The following UBR3 variants were observed in gnomAD, a reference collection of about 807,000 sequenced individuals.
The protein encoded by UBR3 is ubiquitin protein ligase E3 component n-recognin 3, also known as E3 ubiquitin-protein ligase UBR3.
UBR3 carries 85 observed loss-of-function variants against 243.2 expected under a neutral mutation model. The ratio of observed to expected loss-of-function variants is 0.35; its 90% CI spans 0.29 to 0.42. The LOEUF is 0.42. Ranked by LOEUF, UBR3 falls within the 10% of genes least tolerant of loss-of-function variation. UBR3 has a pLI of 1.00. For synonymous variants in UBR3, 748 were observed against 799.8 expected, an observed-to-expected ratio of 0.94 and a Z score of 1.09; for missense variants, 1,686 against 2,300.8, an observed-to-expected ratio of 0.73 and a Z score of 5.47.
At chr2:169,979,706 A>G (rs1246533335) in intron 24 of UBR3, among the ~76,000 whole-genome samples, 3 of 152,222 alleles carry the variant, frequency 2.0e-5, no homozygotes, top group Non-Finnish European at 4.4e-5. Flanking sequence ...ATGCAAAACT[A>G]GAGACAGTAA....
chr2:170,035,545 A>G (rs189347609), intron 31 of UBR3, among the ~76,000 whole-genome samples: 70 of 152,046 alleles, frequency 4.6e-4, no homozygotes, highest in Non-Finnish European at 4.1e-4. Flanking sequence ...TGCTAGTACC[A>G]TATTGTCTTG....
intron 1 of UBR3, among the ~76,000 whole-genome samples, chr2:169,864,722 T>G (rs2083195530): frequency 2.0e-5 from 3 of 151,706 alleles, no homozygotes; most frequent in African/African-American, 4.8e-5. Flanking sequence ...GCTAACACAG[T>G]GAAACCCCGT....
intron 1 of UBR3, among the ~76,000 whole-genome samples, chr2:169,835,654 T>A (rs1197923129): frequency 6.6e-6 from 1 of 152,132 alleles, no homozygotes; most frequent in Non-Finnish European, 1.5e-5. Flanking sequence ...TTGGTCAGGC[T>A]GGTCTGGAAC....
Position 169,875,923 on chromosome 2 carries a change from A to G in UBR3, c.818A>G (p.Gln273Arg). The G allele has an allele frequency of 6.5e-7, 1 of 1,537,796 alleles. No homozygotes were observed. Among genetic ancestry groups the G allele is most frequent in the Non-Finnish European group, 8.8e-7 (1 of 1,142,110 alleles). Reference sequence around the variant, plus strand: ...GTTCTTACTCAGGTTTTGACAAACCAACAAAACTACAAAGATCTGACTTCT... The same window carrying G: ...GTTCTTACTCAGGTTTTGACAAACCGACAAAACTACAAAGATCTGACTTCT... ...RSVLTQVLTN[Q>R]QNYKDLTSGL... The change falls in exon 3 of 39, where the codon CAA (glutamine) becomes CGA (arginine). Residue 273 changes from glutamine (Q) to arginine (R), a missense_variant. Gln to Arg is a conservative substitution (Grantham distance 43). Coordinates refer to ENST00000272793, the MANE Select transcript of UBR3 (RefSeq NM_172070.4).
intron 1 of UBR3, among the ~76,000 whole-genome samples, chr2:169,847,514 A>G (rs2082522778): frequency 6.6e-6 from 1 of 152,142 alleles, no homozygotes; most frequent in South Asian, 2.1e-4. Flanking sequence ...GTTGTCAAAC[A>G]TTTTACTTTT....
chr2:169,903,490 C>G (rs1175816833), intron 8 of UBR3, among the ~76,000 whole-genome samples: 1 of 152,178 alleles, frequency 6.6e-6, no homozygotes, highest in Non-Finnish European at 1.5e-5. Context: ...TCCTTACTTC[C>G]TCATTGAGTT....
At chr2:170,055,673 A>G in intron 33 of UBR3, 89 bp downstream of exon 33, 1 of 1,484,966 alleles carries the variant, frequency 6.7e-7, no homozygotes, top group Non-Finnish European at 9.1e-7. Context: ...GTGTTACAAA[A>G]TGAGTTATTG....
chr2:169,938,973 T>G (rs1300750768), intron 19 of UBR3, among the ~76,000 whole-genome samples: 2 of 152,172 alleles, frequency 1.3e-5, no homozygotes, highest in African/African-American at 4.8e-5. Flanking sequence ...ACATTCACTT[T>G]CTTTAAAGGT....
intron 10 of UBR3, among the ~76,000 whole-genome samples, chr2:169,910,245 G>A (rs2085199368): frequency 6.6e-6 from 1 of 152,068 alleles, no homozygotes; most frequent in Non-Finnish European, 1.5e-5. Context: ...AAAGAGATGT[G>A]AACCCCGAAG....
intron 1 of UBR3, among the ~76,000 whole-genome samples, chr2:169,856,569 G>A (rs947910599): frequency 2.0e-5 from 3 of 152,220 alleles, no homozygotes; most frequent in Non-Finnish European, 4.4e-5. Context: ...GCGAGACTCC[G>A]TCTGCAATCC....
intron 1 of UBR3, among the ~76,000 whole-genome samples, chr2:169,869,471 A>G (rs1306627175): frequency 1.3e-5 from 2 of 151,920 alleles, no homozygotes; most frequent in African/African-American, 2.4e-5. Flanking sequence ...CAATCCGCCC[A>G]TGTCAGCCTC....
chr2:170,007,284 T>G (rs1023616226), intron 28 of UBR3, 94 bp downstream of exon 28: 5 of 1,332,996 alleles, frequency 3.8e-6, no homozygotes, highest in Non-Finnish European at 5.1e-6. Context: ...TCTGGACTTT[T>G]ACATATTTAG....
At chr2:169,839,656 C>T (rs2082227654) in intron 1 of UBR3, among the ~76,000 whole-genome samples, 2 of 151,994 alleles carry the variant, frequency 1.3e-5, no homozygotes, top group Admixed American at 6.6e-5. Flanking sequence ...ATCTATTATG[C>T]ATCAAATAAA....
chr2:170,056,136 T>G (rs2091330744), intron 33 of UBR3, among the ~76,000 whole-genome samples: 2 of 150,980 alleles, frequency 1.3e-5, no homozygotes, highest in Admixed American at 6.7e-5. Flanking sequence ...GCCTTCTGAG[T>G]AGCTGGGACT....
intron 11 of UBR3, among the ~76,000 whole-genome samples, chr2:169,923,090 C>T (rs986976377): frequency 6.6e-6 from 1 of 151,926 alleles, no homozygotes; most frequent in African/African-American, 2.4e-5. Context: ...GTATTTTTGC[C>T]CTGTAGTGAT....
At chr2:170,069,207 A>G (rs2091644176) in intron 35 of UBR3, among the ~76,000 whole-genome samples, 1 of 152,186 alleles carries the variant, frequency 6.6e-6, no homozygotes, top group Non-Finnish European at 1.5e-5. Flanking sequence ...TGAACATAGA[A>G]GCAAAAGCCT....
intron 29 of UBR3, among the ~76,000 whole-genome samples, chr2:170,010,517 G>A (rs2090051725): frequency 6.6e-6 from 1 of 152,094 alleles, no homozygotes; most frequent in Non-Finnish European, 1.5e-5. Flanking sequence ...ATAATTTAGT[G>A]GAAGTTTTAG....
At chr2:169,971,943 C>CA (rs1158613674) in intron 24 of UBR3, among the ~76,000 whole-genome samples, 6 of 152,038 alleles carry the variant, frequency 3.9e-5, no homozygotes, top group Admixed American at 1.3e-4. Context: ...AATAGAGACA[C>CA]AAAAAACCCT....
intron 36 of UBR3, 24 bp downstream of exon 36, chr2:170,073,631 C>T (rs1461250630): frequency 1.2e-6 from 2 of 1,605,150 alleles, no homozygotes; most frequent in African/African-American, 1.3e-5. Flanking sequence ...GTTGTACTAG[C>T]TTGTCACGGT....
Sources: allele counts gnomAD v4.1 joint callset (sites outside exome capture counted in the v4.1 genomes callset), GRCh38; gene constraint gnomAD v4.1.1; transcripts MANE v1.5; gene names NCBI Gene and HGNC (gene_info 2026-07-23, HGNC 2026-07-21).